TUBA1C: variants seen among roughly 807,000 people sequenced by gnomAD.
TUBA1C encodes tubulin alpha 1c.
A neutral mutation model predicts 34.9 loss-of-function variants in TUBA1C; 16 were observed. The ratio of observed to expected loss-of-function variants is 0.46; its 90% CI spans 0.31 to 0.70. TUBA1C has a LOEUF of 0.70. Among genes scored for constraint, TUBA1C ranks in the 30% least tolerant of loss-of-function variants. The pLI is 0.05. For missense variants in TUBA1C, 329 were observed against 587.3 expected, an observed-to-expected ratio of 0.56 and a Z score of 4.55; for synonymous variants, 177 against 215.9, an observed-to-expected ratio of 0.82 and a Z score of 1.58.
chr12:49,264,833 C>A (rs1248526695), upstream of TUBA1C: 2 of 166,120 alleles, frequency 1.2e-5, no homozygotes, highest in African/African-American at 4.9e-5. Context: ...CCCCTTCCTC[C>A]CCTTCCTCCC....
At chr12:49,241,027 A>G (rs919654216) in intron 1 of TUBA1C, among the ~76,000 whole-genome samples, 13 of 152,028 alleles carry the variant, frequency 8.6e-5, no homozygotes, top group African/African-American at 2.9e-4. Flanking sequence ...TCAGCCTCCC[A>G]AGTAGCTAGG....
In TUBA1C at chr12:49,269,557, C is replaced by G. The variant is rs371053275; in HGVS notation, c.96C>G (p.Pro32=). 5.0e-6 allele frequency: 8 copies of G among 1,614,196 alleles called. No individual in the cohort carries two copies. Among genetic ancestry groups the G allele is most frequent in the Non-Finnish European group, 6.8e-6 (8 of 1,180,038 alleles). ...ACTGCCTGGAACACGGCATCCAGCC[C>G]GATGGCCAGATGCCAAGTGACAAGA... The part of the protein sequence containing the change: ...ELYCLEHGIQ[P]DGQMPSDKTI... The change falls in exon 2 of 4, where the codon CCC becomes CCG. Residue 32 remains proline (P), a synonymous_variant. Transcript: ENST00000301072.
chr12:49,240,673 G>A (rs146822058), intron 1 of TUBA1C, among the ~76,000 whole-genome samples: 2 of 152,144 alleles, frequency 1.3e-5, no homozygotes, highest in Non-Finnish European at 2.9e-5. Flanking sequence ...GTGCAACTTC[G>A]ACCTCCCGGG....
intron 1 of TUBA1C, chr12:49,256,504 T>C: frequency 2.2e-6 from 1 of 448,136 alleles, no homozygotes; most frequent in Non-Finnish European, 4.5e-6. Flanking sequence ...GTATCACCCA[T>C]TTACAAGGTC....
rs1592285409 is a variant in TUBA1C at position 49,265,199 on chromosome 12, C to T, written c.3+15C>T. 1 of 1,597,060 alleles carries T rather than the reference C, an allele frequency of 6.3e-7. No individual in the cohort carries two copies. Among genetic ancestry groups the T allele is most frequent in the Non-Finnish European group, 8.6e-7 (1 of 1,168,654 alleles). Reference sequence around the variant, plus strand: ...TTCTAGTCATGGTGAGTGGGGTTCCCTCGGGGCTGGGGAAGAGTGCGCGTC... The same window carrying T: ...TTCTAGTCATGGTGAGTGGGGTTCCTTCGGGGCTGGGGAAGAGTGCGCGTC... On this transcript the variant is annotated intron_variant, in intron 1 of 3. Coordinates refer to ENST00000301072, the MANE Select transcript of TUBA1C (RefSeq NM_032704.5).
At chr12:49,245,646 T>C (rs919081505) in intron 1 of TUBA1C, among the ~76,000 whole-genome samples, 4 of 152,200 alleles carry the variant, frequency 2.6e-5, no homozygotes, top group African/African-American at 2.4e-5. Flanking sequence ...ACAGTGGGAA[T>C]CTGTGGCATC....
In TUBA1C at chr12:49,274,550, A is replaced by T. The variant is rs905119554; in HGVS notation, c.*1323A>T. On this transcript the variant is annotated 3_prime_UTR_variant, in exon 4 of 4. Transcript: ENST00000301072. The stretch of plus-strand genomic sequence containing the variant: ...GGAGCCAAAATTCAAGTGCCCAGCC[A>T]CACTGCCAGAACTATTGCTGTCAGT... The T allele has an allele frequency of 6.6e-6, 1 of 152,106 alleles. No individual in the cohort carries two copies. The highest frequency in any genetic ancestry group is 2.4e-5 in the African/African-American group (1 of 41,402). 9.4% of individuals were successfully genotyped at this position (152,106 alleles called of 1,614,324 possible).
At chr12:49,241,282 G>T (rs892516601) in intron 1 of TUBA1C, among the ~76,000 whole-genome samples, 25 of 152,034 alleles carry the variant, frequency 1.6e-4, no homozygotes, top group African/African-American at 5.8e-4. Flanking sequence ...TATGAGAATG[G>T]GGCCAAGATT....
rs1280264048 is a variant in TUBA1C, at chr12:49,269,699, T to A, written c.226+12T>A. Reference sequence around the variant, plus strand: ...ACCCACAGTCATTGGTGAGTTGACCTCAGTAACCCAAGTGAGATCCCAGGG... The same window carrying A: ...ACCCACAGTCATTGGTGAGTTGACCACAGTAACCCAAGTGAGATCCCAGGG... On this transcript the variant is annotated intron_variant, in intron 2 of 3. Coordinates refer to ENST00000301072, the MANE Select transcript of TUBA1C (RefSeq NM_032704.5). 1.2e-6 allele frequency: 2 copies of A among 1,613,660 alleles called. No homozygotes were observed. Among genetic ancestry groups the A allele is most frequent in the Non-Finnish European group, 1.7e-6 (2 of 1,179,788 alleles).
At chr12:49,263,011 A>T (rs1942856117), upstream of TUBA1C, among the ~76,000 whole-genome samples, 1 of 151,120 alleles carries the variant, frequency 6.6e-6, no homozygotes, top group Non-Finnish European at 1.5e-5. Context: ...TTTAAAGTAC[A>T]AGAGAATTAC....
At chr12:49,272,195 A>G in intron 3 of TUBA1C, 58 bp from the exon 4 acceptor site, 1 of 1,546,288 alleles carries the variant, frequency 6.5e-7, no homozygotes, top group South Asian at 1.3e-5. Flanking sequence ...GGTTTCACCA[A>G]ATGTGAACAC....
At chr12:49,253,977 T>A (rs1447201047) in intron 1 of TUBA1C, among the ~76,000 whole-genome samples, 1 of 151,990 alleles carries the variant, frequency 6.6e-6, no homozygotes, top group East Asian at 1.9e-4. Flanking sequence ...ATTAATAAAA[T>A]CAGGGACGGG....
At chr12:49,242,618 C>T (rs2136994793) in intron 1 of TUBA1C, among the ~76,000 whole-genome samples, 1 of 152,144 alleles carries the variant, frequency 6.6e-6, no homozygotes, top group Non-Finnish European at 1.5e-5. Context: ...AAGGTGCACA[C>T]CACCACACCC....
At chr12:49,241,047 G>A (rs1942610001) in intron 1 of TUBA1C, among the ~76,000 whole-genome samples, 1 of 151,974 alleles carries the variant, frequency 6.6e-6, no homozygotes, top group Admixed American at 6.6e-5. Context: ...GACTATAGGA[G>A]TGCACCACCA....
chr12:49,239,586 A>T (rs887535297), intron 1 of TUBA1C, among the ~76,000 whole-genome samples: 2 of 151,760 alleles, frequency 1.3e-5, no homozygotes, highest in African/African-American at 4.8e-5. Flanking sequence ...GGTCGCAGCG[A>T]ACTGAGATTT....
chr12:49,245,214 C>A (rs1364805339), intron 1 of TUBA1C, among the ~76,000 whole-genome samples: 3 of 151,958 alleles, frequency 2.0e-5, no homozygotes, highest in East Asian at 3.9e-4. Flanking sequence ...AAGAGGTGGG[C>A]AAATTCTTTC....
At chr12:49,236,041 T>G (rs1942551960) in intron 1 of TUBA1C, among the ~76,000 whole-genome samples, 1 of 152,132 alleles carries the variant, frequency 6.6e-6, no homozygotes, top group East Asian at 1.9e-4. Flanking sequence ...GTTTCCAAGG[T>G]GAAGAGGGTG....
chr12:49,230,079 C>T (rs1052725009), intron 1 of TUBA1C, among the ~76,000 whole-genome samples: 7 of 150,184 alleles, frequency 4.7e-5, no homozygotes, highest in Admixed American at 4.0e-4. Context: ...AGTCAACATC[C>T]TGGCCTTTTT....
intron 1 of TUBA1C, among the ~76,000 whole-genome samples, chr12:49,258,552 C>G (rs1942809633): frequency 6.6e-6 from 1 of 151,998 alleles, no homozygotes; most frequent in South Asian, 2.1e-4. Context: ...TTCAGCCTCC[C>G]AAGTAGCTGG....
Sources: allele counts gnomAD v4.1 joint callset (sites outside exome capture counted in the v4.1 genomes callset), GRCh38; gene constraint gnomAD v4.1.1; transcripts MANE v1.5; gene names NCBI Gene and HGNC (gene_info 2026-07-23, HGNC 2026-07-21).